ZNF804B: variants seen among roughly 807,000 people sequenced by gnomAD.
ZNF804B encodes zinc finger 804B.
In ZNF804B, 80 loss-of-function variants were observed where a neutral mutation model predicts 101.4. The observed-to-expected ratio is 0.79, with a 90% CI of 0.66 to 0.95. The LOEUF is 0.95. Ranked by LOEUF, ZNF804B falls within the 40% of genes least tolerant of loss-of-function variation. The pLI is 0.00. For missense variants in ZNF804B, 1,673 were observed against 1,561.9 expected (o/e 1.07, Z -1.20); for synonymous variants, 622 against 558.8 (o/e 1.11, Z -1.59).
At chr7:88,840,068 A>T (rs887357569) in intron 1 of ZNF804B, among the ~76,000 whole-genome samples, 1 of 152,146 alleles carries the variant, frequency 6.6e-6, no homozygotes, top group African/African-American at 2.4e-5. Context: ...AGATAATACT[A>T]TAGAAAAGTA....
intron 1 of ZNF804B, among the ~76,000 whole-genome samples, chr7:89,210,072 C>T (rs558566138): frequency 4.7e-4 from 71 of 151,364 alleles, no homozygotes; most frequent in East Asian, 2.0e-3. Flanking sequence ...TCGCTTGAAC[C>T]GGGAAGCAGA....
chr7:88,783,122 T>A (rs1790254478), intron 1 of ZNF804B, among the ~76,000 whole-genome samples: 1 of 152,116 alleles, frequency 6.6e-6, no homozygotes, highest in East Asian at 1.9e-4. Flanking sequence ...TAAAAATAAT[T>A]CAAAACTTTG....
intron 1 of ZNF804B, among the ~76,000 whole-genome samples, chr7:88,906,804 A>G (rs970869348): frequency 6.6e-6 from 1 of 152,036 alleles, no homozygotes; most frequent in African/African-American, 2.4e-5. Flanking sequence ...TTCTGCCTCA[A>G]CAATGTATAT....
intron 1 of ZNF804B, among the ~76,000 whole-genome samples, chr7:89,024,399 T>C (rs1788714285): frequency 6.6e-6 from 1 of 152,116 alleles, no homozygotes; most frequent in African/African-American, 2.4e-5. Context: ...CTTCCTTTTA[T>C]ATGTCATGAA....
intron 1 of ZNF804B, among the ~76,000 whole-genome samples, chr7:89,107,508 G>A (rs1367056095): frequency 6.6e-6 from 1 of 152,078 alleles, no homozygotes; most frequent in African/African-American, 2.4e-5. Flanking sequence ...ATTATCCGTA[G>A]CTGAGAATAA....
At chr7:89,269,988 C>A (rs1376417827) in intron 2 of ZNF804B, among the ~76,000 whole-genome samples, 1 of 152,062 alleles carries the variant, frequency 6.6e-6, no homozygotes, top group Non-Finnish European at 1.5e-5. Context: ...GAGTAGATTG[C>A]AAAAATTTTC....
chr7:89,170,931 C>G (rs1013190999), intron 1 of ZNF804B, among the ~76,000 whole-genome samples: 2 of 152,152 alleles, frequency 1.3e-5, no homozygotes, highest in Non-Finnish European at 2.9e-5. Flanking sequence ...ACTCATCTTT[C>G]ACCTCTCAGC....
chr7:88,794,738 A>G (rs2115692949), intron 1 of ZNF804B: 2 of 1,613,608 alleles, frequency 1.2e-6, no homozygotes, highest in East Asian at 2.2e-5. Context: ...ATTTGTTCAT[A>G]GTAGTCAGCA....
chr7:89,008,157 A>T (rs1054578685), intron 1 of ZNF804B, among the ~76,000 whole-genome samples: 1 of 152,222 alleles, frequency 6.6e-6, no homozygotes, highest in East Asian at 1.9e-4. Flanking sequence ...ATGCCCAGTA[A>T]TTTCATTTGC....
intron 1 of ZNF804B, among the ~76,000 whole-genome samples, chr7:89,167,329 G>C (rs1791158985): frequency 6.6e-6 from 1 of 151,744 alleles, no homozygotes; most frequent in Non-Finnish European, 1.5e-5. Context: ...TGTAATCTCA[G>C]CTACTTGGGA....
intron 1 of ZNF804B, among the ~76,000 whole-genome samples, chr7:89,118,754 T>C (rs1003871554): frequency 1.3e-5 from 2 of 152,188 alleles, no homozygotes; most frequent in African/African-American, 4.8e-5. Context: ...AAATTTTTTG[T>C]GGGAAAGTAT....
chr7:89,276,246 T>C (rs771924324), intron 2 of ZNF804B, among the ~76,000 whole-genome samples: 7 of 151,742 alleles, frequency 4.6e-5, no homozygotes, highest in Admixed American at 1.3e-4. Flanking sequence ...GATGGGTTGA[T>C]AGGTGCAACA....
intron 2 of ZNF804B, among the ~76,000 whole-genome samples, chr7:89,277,318 CT>C (rs570559495): frequency 2.8e-4 from 41 of 143,946 alleles, no homozygotes; most frequent in Admixed American, 4.2e-4. Flanking sequence ...GAGTTTTTTT[CT>C]TTTTTTTTTC....
intron 1 of ZNF804B, among the ~76,000 whole-genome samples, chr7:88,804,004 G>A (rs967756184): frequency 6.6e-6 from 1 of 152,050 alleles, no homozygotes; most frequent in African/African-American, 2.4e-5. Context: ...CACTGCAGGA[G>A]AAACGTTTAA....
chr7:89,208,930 T>G (rs928230613), intron 1 of ZNF804B, among the ~76,000 whole-genome samples: 4 of 152,068 alleles, frequency 2.6e-5, no homozygotes, highest in African/African-American at 9.7e-5. Flanking sequence ...GAGAATCACT[T>G]GAACCTGGGA....
chr7:89,136,823 A>T (rs1445851024), intron 1 of ZNF804B, among the ~76,000 whole-genome samples: 1 of 151,796 alleles, frequency 6.6e-6, no homozygotes, highest in African/African-American at 2.4e-5. Context: ...TTGAATTCCC[A>T]CAAGTTGTAG....
chr7:89,183,975 G>A (rs2214339), intron 1 of ZNF804B, among the ~76,000 whole-genome samples: 26,528 of 152,086 alleles, frequency 0.17, 2,407 homozygotes, highest in Middle Eastern at 0.29. Flanking sequence ...GTGGAACCAA[G>A]CAAACACCAG....
intron 1 of ZNF804B, among the ~76,000 whole-genome samples, chr7:88,787,187 A>T (rs1443999320): frequency 6.6e-6 from 1 of 152,140 alleles, no homozygotes; most frequent in East Asian, 1.9e-4. Context: ...AGACAAGAGA[A>T]AACCATAAGG....
intron 1 of ZNF804B, among the ~76,000 whole-genome samples, chr7:88,824,312 G>C (rs939617190): frequency 2.0e-5 from 3 of 152,110 alleles, no homozygotes; most frequent in Non-Finnish European, 2.9e-5. Flanking sequence ...TGCTGTTCTT[G>C]TGTTCTTGTG....
Sources: gnomAD v4.1 joint callset for allele counts (sites outside exome capture counted in the v4.1 genomes callset) on GRCh38, gnomAD v4.1.1 for gene constraint, MANE v1.5 for transcripts, NCBI Gene and HGNC (gene_info 2026-07-23, HGNC 2026-07-21) for gene names.